Variants in KSR1 observed in about 807,000 individuals in gnomAD.
KSR1 encodes the protein kinase suppressor of ras.
In KSR1, 35 loss-of-function variants were observed where a neutral mutation model predicts 92.9. The observed-to-expected ratio is 0.38, with a 90% CI of 0.29 to 0.50. The LOEUF is 0.50. Among genes scored for constraint, KSR1 ranks in the 20% least tolerant of loss-of-function variants. The pLI is 0.94. For missense variants in KSR1, 972 were observed against 1,158.5 expected, an observed-to-expected ratio of 0.84 and a Z score of 2.34; for synonymous variants, 467 against 472.6, an observed-to-expected ratio of 0.99 and a Z score of 0.15.
chr17:27,577,899 G>A lies in KSR1; in HGVS notation c.520+260G>A. 1.7e-6 allele frequency: 1 copy of A among 605,790 alleles called. No individual in the cohort carries two copies. The highest frequency in any genetic ancestry group is 3.0e-6 in the Non-Finnish European group (1 of 334,870). The allele number at this position is 605,790 out of a possible 1,614,324, so 37.5% of individuals were successfully genotyped here. On this transcript the variant is annotated intron_variant, in intron 3 of 20. Transcript: ENST00000644974. This position sits in a 1 kb window ranked among gnomAD's most constrained non-coding sequence, Gnocchi z 4.5. The stretch of plus-strand genomic sequence containing the variant: ...ATCCCAGGCCTGTCTGCTGGGCTGG[G>A]CTGGCCTGGCATGGTTTCCTCTCTG...
chr17:27,594,228 AAG>A (rs1445144232), intron 9 of KSR1, among the ~76,000 whole-genome samples: 1 of 152,160 alleles, frequency 6.6e-6, no homozygotes, highest in Non-Finnish European at 1.5e-5. Flanking sequence ...TTGAAGGGTA[AAG>A]AGAGAATGTT....
chr17:27,617,471 G>A (rs375263856), intron 19 of KSR1, 43 bp downstream of exon 19: 145 of 1,582,774 alleles, frequency 9.2e-5, no homozygotes, highest in African/African-American at 7.5e-4. Context: ...CCAGGCCCTC[G>A]CAGCCTCACC....
At chr17:27,489,562 C>A (rs753800122) in intron 1 of KSR1, among the ~76,000 whole-genome samples, 7 of 152,222 alleles carry the variant, frequency 4.6e-5, no homozygotes, top group Non-Finnish European at 7.3e-5. Flanking sequence ...GTAACCCTGG[C>A]TCATTCTTCC....
intron 10 of KSR1, among the ~76,000 whole-genome samples, chr17:27,598,060 G>A (rs1396526130): frequency 6.6e-6 from 1 of 152,156 alleles, no homozygotes; most frequent in Non-Finnish European, 1.5e-5. Flanking sequence ...TGGTGTCTGT[G>A]GGGAGAGGTC....
At chr17:27,601,509 C>A in intron 11 of KSR1, 108 bp downstream of exon 11, 1 of 891,464 alleles carries the variant, frequency 1.1e-6, no homozygotes, top group Non-Finnish European at 1.8e-6. Context: ...ATACTTGAGT[C>A]TCCCTCCACC....
At position 27,535,365 on chromosome 17, in the gene KSR1, C is replaced by T. The variant is rs567849044; in HGVS notation, c.232-15203C>T. Among the ~76,000 whole-genome samples, 25 of 152,272 alleles carry T rather than the reference C, an allele frequency of 1.6e-4. 1 individual carries two copies. The South Asian group carries it at 5.0e-3, about 30-fold the overall frequency. ...GATACACAATCATCACATTGGTGTG[C>T]GCCACAGAAAGAATGCACAGTCATG... On this transcript the variant is annotated intron_variant, in intron 1 of 20. Coordinates refer to ENST00000644974, the MANE Select transcript of KSR1 (RefSeq NM_001394583.1).
intron 1 of KSR1, among the ~76,000 whole-genome samples, chr17:27,522,202 T>C (rs2070062654): frequency 6.6e-6 from 1 of 152,174 alleles, no homozygotes; most frequent in Non-Finnish European, 1.5e-5. Context: ...TCAAGGCAAC[T>C]ACCCTTTGCA....
At chr17:27,611,265 G>A in intron 17 of KSR1, 1 of 543,732 alleles carries the variant, frequency 1.8e-6, no homozygotes, top group Non-Finnish European at 3.3e-6. Flanking sequence ...CAAGGCTCCG[G>A]TCAAACCTGC....
At chr17:27,569,755 G>A (rs946814951) in intron 2 of KSR1, among the ~76,000 whole-genome samples, 2 of 152,234 alleles carry the variant, frequency 1.3e-5, no homozygotes, top group African/African-American at 4.8e-5. Flanking sequence ...GCAGCAGAGT[G>A]GAGCAGTTTC....
At chr17:27,614,666 A>C (rs2074009356) in intron 18 of KSR1, among the ~76,000 whole-genome samples, 1 of 152,164 alleles carries the variant, frequency 6.6e-6, no homozygotes, top group African/African-American at 2.4e-5. Flanking sequence ...TTTTATTTTT[A>C]AATAAAGCTC....
chr17:27,590,496 C>T (rs1198677782), intron 6 of KSR1, among the ~76,000 whole-genome samples: 1 of 152,208 alleles, frequency 6.6e-6, no homozygotes, highest in African/African-American at 2.4e-5. Flanking sequence ...TGGATAAATT[C>T]CTAAGAATTC....
chr17:27,531,130 A>C (rs1444611926), intron 1 of KSR1, among the ~76,000 whole-genome samples: 1 of 151,824 alleles, frequency 6.6e-6, no homozygotes, highest in Non-Finnish European at 1.5e-5. Context: ...TCCCCGCTTC[A>C]TTCTCCTCCC....
chr17:27,472,914 C>T (rs1454900347), intron 1 of KSR1, among the ~76,000 whole-genome samples: 1 of 152,162 alleles, frequency 6.6e-6, no homozygotes, highest in East Asian at 1.9e-4. Flanking sequence ...GTGAAGTGGA[C>T]CTGCCCAGGT....
rs79950576 is a variant in KSR1, at chr17:27,456,582, C to T, written c.-62C>T. On this transcript the variant is annotated 5_prime_UTR_variant, in exon 1 of 21. Transcript: ENST00000644974. Reference sequence around the variant, plus strand: ...TCCAGCTCTCCTGGCTCGGGGGTTCCTTGCCGAGGCGCCCGCGCCCCGGGC... The same window carrying T: ...TCCAGCTCTCCTGGCTCGGGGGTTCTTTGCCGAGGCGCCCGCGCCCCGGGC... 4.3e-6 allele frequency: 2 copies of T among 460,066 alleles called. No individual in the cohort carries two copies. Among genetic ancestry groups the T allele is most frequent in the African/African-American group, 4.2e-5 (2 of 48,156 alleles). 28.5% of individuals were successfully genotyped at this position (460,066 alleles called of 1,614,324 possible).
At chr17:27,511,791 C>T (rs747582505) in intron 1 of KSR1, among the ~76,000 whole-genome samples, 8 of 152,248 alleles carry the variant, frequency 5.3e-5, no homozygotes, top group Admixed American at 1.3e-4. Flanking sequence ...CCCGTCTCAC[C>T]GGCGAGACCG....
At chr17:27,466,678 A>G (rs908326567) in intron 1 of KSR1, among the ~76,000 whole-genome samples, 6 of 152,232 alleles carry the variant, frequency 3.9e-5, no homozygotes, top group Non-Finnish European at 8.8e-5. Flanking sequence ...AATGCTTTTC[A>G]AAATAAAAAA....
At chr17:27,467,550 A>C (rs2019757018) in intron 1 of KSR1, among the ~76,000 whole-genome samples, 1 of 152,216 alleles carries the variant, frequency 6.6e-6, no homozygotes, top group Admixed American at 6.5e-5. Flanking sequence ...TATCTTGTGA[A>C]TGGGTCTCTT....
At chr17:27,535,460 C>T (rs2070721546) in intron 1 of KSR1, among the ~76,000 whole-genome samples, 1 of 152,140 alleles carries the variant, frequency 6.6e-6, no homozygotes, top group East Asian at 1.9e-4. Flanking sequence ...GTTCCTTGGG[C>T]CTCTGGTACA....
intron 1 of KSR1, among the ~76,000 whole-genome samples, chr17:27,537,253 C>A (rs1261743312): frequency 6.6e-6 from 1 of 152,188 alleles, no homozygotes; most frequent in Non-Finnish European, 1.5e-5. Flanking sequence ...CAGCTCGTGG[C>A]AAATGTTTGT....
Sources: gnomAD v4.1 joint callset for allele counts (sites outside exome capture counted in the v4.1 genomes callset) on GRCh38, gnomAD v4.1.1 for gene constraint, Gnocchi (gnomAD v3.1) non-coding constraint, MANE v1.5 for transcripts, NCBI Gene and HGNC (gene_info 2026-07-23, HGNC 2026-07-21) for gene names.